PTPN3: variants seen among roughly 807,000 people sequenced by gnomAD.
The protein encoded by PTPN3 is protein tyrosine phosphatase non-receptor type 3, also known as tyrosine-protein phosphatase non-receptor type 3.
Under a neutral mutation model 132.7 loss-of-function variants are expected in PTPN3, and 96 were observed. That is an observed-to-expected ratio of 0.72 (90% confidence interval 0.61 to 0.86). The LOEUF is 0.86. Ranked by LOEUF, PTPN3 falls within the 40% of genes least tolerant of loss-of-function variation. The pLI is 0.00. For missense variants in PTPN3, 1,125 were observed against 1,159.6 expected (o/e 0.97, Z 0.43); for synonymous variants, 398 against 429.0 (o/e 0.93, Z 0.89).
intron 15 of PTPN3, 49 bp from the exon 16 acceptor site, chr9:109,410,125 A>G (rs13300572): frequency 2.5e-6 from 4 of 1,613,816 alleles, no homozygotes; most frequent in Non-Finnish European, 3.4e-6. Context: ...TCTCTCCAGC[A>G]GTTGGTGATA....
rs58420033 is a variant in PTPN3 at position 109,468,365 on chromosome 9, G to T, written c.-17-4914C>A. 7.4e-3 allele frequency among the ~76,000 whole-genome samples: 1,111 copies of T among 150,232 alleles called. 3 individuals are homozygous for T. Among genetic ancestry groups the T allele is most frequent in the Middle Eastern group, 0.014 (4 of 290 alleles). ...TATTGTGGATACAGTTTTTTTTTTTGTTTGTTTGTTTGTTTTTTTGAGACA... is the reference window on the plus strand; with the variant it reads ...TATTGTGGATACAGTTTTTTTTTTTTTTTGTTTGTTTGTTTTTTTGAGACA... On this transcript the variant is annotated intron_variant, in intron 1 of 25. Transcript: ENST00000374541.
chr9:109,528,399 T>A, the PTPN3 span, among the ~76,000 whole-genome samples: 15 of 152,276 alleles, frequency 9.9e-5, no homozygotes, highest in African/African-American at 3.1e-4. Context: ...TACATATCAA[T>A]GAAAAAGGTC....
At chr9:109,481,080 G>C (rs1035588739) in intron 1 of PTPN3, among the ~76,000 whole-genome samples, 1 of 152,086 alleles carries the variant, frequency 6.6e-6, no homozygotes, top group African/African-American at 2.4e-5. Context: ...ATCAACAACG[G>C]CATTTACACA....
the PTPN3 span, among the ~76,000 whole-genome samples, chr9:109,530,682 T>C: frequency 6.6e-6 from 1 of 152,222 alleles, no homozygotes; most frequent in Non-Finnish European, 1.5e-5. Context: ...CCACCAGCAG[T>C]GCACAGGGGT....
chr9:109,477,643 G>A (rs1175543416), intron 1 of PTPN3, among the ~76,000 whole-genome samples: 3 of 152,212 alleles, frequency 2.0e-5, no homozygotes, highest in Non-Finnish European at 2.9e-5. Flanking sequence ...ACAGGCAGCC[G>A]TCCCTGGGTT....
intron 19 of PTPN3, among the ~76,000 whole-genome samples, chr9:109,400,221 T>C (rs1840971420): frequency 6.6e-6 from 1 of 152,216 alleles, no homozygotes; most frequent in African/African-American, 2.4e-5. Flanking sequence ...AGCCCTCATG[T>C]CCGGCCTGTG....
the PTPN3 span, among the ~76,000 whole-genome samples, chr9:109,506,053 G>GAA: frequency 6.6e-6 from 1 of 152,106 alleles, no homozygotes; most frequent in Admixed American, 6.6e-5. Context: ...GCCCGGCCCA[G>GAA]AACATCAGCT....
intron 16 of PTPN3, 146 bp downstream of exon 16, chr9:109,409,853 C>G (rs1409482250): frequency 1.5e-6 from 2 of 1,356,800 alleles, no homozygotes; most frequent in African/African-American, 1.5e-5. Context: ...CAAACAAAAA[C>G]AAAAAAAACC....
the PTPN3 span, among the ~76,000 whole-genome samples, chr9:109,532,233 T>C: frequency 6.6e-6 from 1 of 152,202 alleles, no homozygotes; most frequent in Non-Finnish European, 1.5e-5. Context: ...ATACACTAAC[T>C]ACAAGATGGA....
chr9:109,382,903 C>T lies in PTPN3; in HGVS notation c.2383-456G>A, dbSNP rs533724254. Reference sequence around the variant, plus strand: ...CTATTTCCAGAACTTTAAAATATCCCGCAAACATAAACCCTGCACCCATTA... The same window carrying T: ...CTATTTCCAGAACTTTAAAATATCCTGCAAACATAAACCCTGCACCCATTA... On this transcript the variant is annotated intron_variant, in intron 23 of 25. Transcript: ENST00000374541. Among the ~76,000 whole-genome samples, 159 of 152,208 alleles carry T rather than the reference C, an allele frequency of 1.0e-3. 1 individual carries two copies. Among genetic ancestry groups the T allele is most frequent in the African/African-American group, 3.7e-3 (154 of 41,524 alleles).
At chr9:109,533,777 C>T in the PTPN3 span, 3 of 1,266,018 alleles carry the variant, frequency 2.4e-6, no homozygotes, top group Non-Finnish European at 3.3e-6. Context: ...GTAGGGCCGG[C>T]GTGGTTGAGC....
At chr9:109,532,126 C>T in the PTPN3 span, among the ~76,000 whole-genome samples, 9 of 152,216 alleles carry the variant, frequency 5.9e-5, no homozygotes, top group East Asian at 1.2e-3. Flanking sequence ...CCAAATGTTC[C>T]GATCTTAGCA....
At chr9:109,501,456 C>T (rs1481223954), upstream of PTPN3, among the ~76,000 whole-genome samples, 2 of 152,046 alleles carry the variant, frequency 1.3e-5, no homozygotes, top group African/African-American at 2.4e-5. Flanking sequence ...TTTTCTCTAC[C>T]CTTTGATGTG....
chr9:109,510,452 G>A, the PTPN3 span, among the ~76,000 whole-genome samples: 1 of 151,240 alleles, frequency 6.6e-6, no homozygotes, highest in Non-Finnish European at 1.5e-5. Flanking sequence ...CAGCTACTCA[G>A]GAGGCTGAGG....
chr9:109,491,364 G>C (rs1368679401), intron 1 of PTPN3, among the ~76,000 whole-genome samples: 1 of 152,046 alleles, frequency 6.6e-6, no homozygotes, highest in Non-Finnish European at 1.5e-5. Flanking sequence ...ATCCTCAAAT[G>C]GTTCAGGATA....
At chr9:109,424,729 C>A (rs888114840) in intron 12 of PTPN3, among the ~76,000 whole-genome samples, 3 of 152,222 alleles carry the variant, frequency 2.0e-5, no homozygotes, top group Admixed American at 2.0e-4. Flanking sequence ...TCCCTATCTA[C>A]ACCACACAGA....
At chr9:109,496,261 A>G (rs1259216692) in intron 1 of PTPN3, among the ~76,000 whole-genome samples, 1 of 152,244 alleles carries the variant, frequency 6.6e-6, no homozygotes, top group African/African-American at 2.4e-5. Flanking sequence ...TTTAACTAGA[A>G]TGGCCTACTC....
intron 1 of PTPN3, among the ~76,000 whole-genome samples, chr9:109,467,327 CATCAGA>C (rs1349581570): frequency 1.3e-5 from 2 of 151,674 alleles, no homozygotes; most frequent in Non-Finnish European, 2.9e-5. Context: ...GGGAGGTGCA[CATCAGA>C]ATCACCTGAG....
chr9:109,395,048 G>C (rs1011361489), intron 19 of PTPN3, among the ~76,000 whole-genome samples: 6 of 151,916 alleles, frequency 3.9e-5, no homozygotes, highest in Non-Finnish European at 7.4e-5. Flanking sequence ...GCTGAGGCAG[G>C]AGAATGGCGT....
Sources: allele counts gnomAD v4.1 joint callset (sites outside exome capture counted in the v4.1 genomes callset), GRCh38; gene constraint gnomAD v4.1.1; transcripts MANE v1.5; gene names NCBI Gene and HGNC (gene_info 2026-07-23, HGNC 2026-07-21).